CYFIP1: variants seen among roughly 807,000 people sequenced by gnomAD.
CYFIP1 encodes the protein cytoplasmic FMR1 interacting protein 1, also known as cytoplasmic FMR1-interacting protein 1.
A neutral mutation model predicts 163.5 loss-of-function variants in CYFIP1; 58 were observed. The ratio of observed to expected loss-of-function variants is 0.35; its 90% confidence interval spans 0.29 to 0.44. CYFIP1 has a LOEUF of 0.44. Ranked by LOEUF, CYFIP1 falls within the 20% of genes least tolerant of loss-of-function variation. CYFIP1 has a pLI of 1.00. For synonymous variants in CYFIP1, 663 were observed against 660.7 expected, an observed-to-expected ratio of 1.00 and a Z score of -0.05; for missense variants, 1,338 against 1,653.8, an observed-to-expected ratio of 0.81 and a Z score of 3.31.
chr15:22,948,674 G>A lies in CYFIP1; in HGVS notation c.-6-1383C>T, dbSNP rs74684122. On this transcript the variant is annotated intron_variant, in intron 1 of 30. Coordinates refer to ENST00000617928, the MANE Select transcript of CYFIP1 (RefSeq NM_014608.6). ...CACCCGACTTTAAAGCAACTACTGT[G>A]CTATGAAATGCTCTAACGATTGTAA... Among the ~76,000 whole-genome samples the A allele has an allele frequency of 2.8e-4, 43 of 152,198 alleles. 2 individuals are homozygous for A. In the East Asian group the frequency reaches 8.1e-3, roughly 29 times the overall value.
rs971668038 is a variant in CYFIP1, at chr15:22,868,203, T to TA, written c.*1824dup. On this transcript the variant is annotated 3_prime_UTR_variant, in exon 31 of 31. Transcript: ENST00000617928. ...TTATTGGCCTTCTAAGGAGCTGTTTTAGATGTTTTTTCTAACTGCCTCCTC... is the reference window on the plus strand; with the variant it reads ...TTATTGGCCTTCTAAGGAGCTGTTTTAAGATGTTTTTTCTAACTGCCTCCTC... The TA allele has an allele frequency of 6.6e-6, 1 of 152,194 alleles. No individual in the cohort carries two copies. Among genetic ancestry groups the TA allele is most frequent in the East Asian group, 1.9e-4 (1 of 5,206 alleles). The allele number at this position is 152,194 out of a possible 1,614,324, so 9.4% of individuals were successfully genotyped here. A position where few individuals can be genotyped will look rare whatever the true frequency, so the allele number is the denominator to read the frequency against.
chr15:22,901,951 C>T (rs1455108399), intron 22 of CYFIP1, among the ~76,000 whole-genome samples: 4 of 152,194 alleles, frequency 2.6e-5, no homozygotes, highest in Non-Finnish European at 1.5e-5. Context: ...AACCGGAGCT[C>T]TTCTGCAGAA....
chr15:22,940,859 G>A (rs577625395), intron 6 of CYFIP1, among the ~76,000 whole-genome samples: 1 of 152,160 alleles, frequency 6.6e-6, no homozygotes, highest in Non-Finnish European at 1.5e-5. Context: ...GGCCAACATG[G>A]TGAAACCCCA....
chr15:22,959,808 G>A (rs968320596), intron 1 of CYFIP1, among the ~76,000 whole-genome samples: 4 of 152,190 alleles, frequency 2.6e-5, no homozygotes, highest in Admixed American at 1.3e-4. Context: ...CAGCCTCTCA[G>A]GTTCTCCTCT....
At chr15:22,940,831 G>A (rs1408431826) in intron 6 of CYFIP1, among the ~76,000 whole-genome samples, 1 of 152,156 alleles carries the variant, frequency 6.6e-6, no homozygotes, top group Non-Finnish European at 1.5e-5. Flanking sequence ...ACTTGAGTCA[G>A]GCGTTCAACA....
intron 1 of CYFIP1, among the ~76,000 whole-genome samples, chr15:22,964,406 C>CACA (rs2062829981): frequency 2.0e-5 from 3 of 148,366 alleles, no homozygotes; most frequent in African/African-American, 7.4e-5. Flanking sequence ...CACACACACA[C>CACA]ACCCGGCAGC....
intron 1 of CYFIP1, among the ~76,000 whole-genome samples, chr15:22,953,060 C>T (rs1194777567): frequency 1.3e-5 from 2 of 152,230 alleles, no homozygotes; most frequent in Non-Finnish European, 2.9e-5. Flanking sequence ...GGCCTGGGCC[C>T]GGCCCGCTTC....
At chr15:22,980,156 G>C (rs1178468101) in intron 1 of CYFIP1, 131 bp downstream of exon 1, 3 of 110,494 alleles carry the variant, frequency 2.7e-5, no homozygotes, top group Non-Finnish European at 5.8e-5. Context: ...CGGGGAGGCC[G>C]CGCCGCCGGG....
chr15:22,951,774 A>G (rs1326640000), intron 1 of CYFIP1, among the ~76,000 whole-genome samples: 1 of 152,206 alleles, frequency 6.6e-6, no homozygotes, highest in Admixed American at 6.5e-5. Context: ...AGAGGCCAAG[A>G]TGACCCCATG....
Position 22,880,775 on chromosome 15 carries a change from G to A in CYFIP1, c.2912-732C>T, listed in dbSNP as rs528858706. Among the ~76,000 whole-genome samples the A allele has an allele frequency of 3.9e-5, 6 of 152,198 alleles. No homozygotes were observed. In the South Asian group the frequency reaches 6.2e-4, roughly 16 times the overall value. Reference sequence around the variant, plus strand: ...GAGTGCCCCTTCCCCAAGGACCAGCGGCCCGACACGGCCCCTCTGCTCCTC... The same window carrying A: ...GAGTGCCCCTTCCCCAAGGACCAGCAGCCCGACACGGCCCCTCTGCTCCTC... On this transcript the variant is annotated intron_variant, in intron 25 of 30. Transcript: ENST00000617928.
At chr15:22,979,950 GCGGAATC>G (rs2063416974) in intron 1 of CYFIP1, among the ~76,000 whole-genome samples, 1 of 152,172 alleles carries the variant, frequency 6.6e-6, no homozygotes, top group African/African-American at 2.4e-5. Context: ...GTGCCGGGGC[GCGGAATC>G]CGGGATCCGG....
At chr15:22,908,399 GAGA>G (rs2060655812) in intron 21 of CYFIP1, among the ~76,000 whole-genome samples, 2 of 151,974 alleles carry the variant, frequency 1.3e-5, no homozygotes, top group South Asian at 4.1e-4. Context: ...CAGATAACAG[GAGA>G]AGGATTAGAC....
At chr15:22,944,512 C>T (rs774685860) in intron 5 of CYFIP1, 46 bp downstream of exon 5, 2 of 1,346,322 alleles carry the variant, frequency 1.5e-6, no homozygotes, top group South Asian at 1.3e-5. Context: ...GGGTCAGCAA[C>T]CCACCCCTCG....
chr15:22,918,247 G>A (rs1243900900), intron 14 of CYFIP1, among the ~76,000 whole-genome samples: 2 of 152,158 alleles, frequency 1.3e-5, no homozygotes, highest in Non-Finnish European at 2.9e-5. Context: ...CACAGCCTCC[G>A]CACGGAGCAG....
At chr15:22,901,489 G>A (rs942772963) in intron 22 of CYFIP1, among the ~76,000 whole-genome samples, 7 of 152,190 alleles carry the variant, frequency 4.6e-5, no homozygotes, top group Non-Finnish European at 7.3e-5. Flanking sequence ...CTCCAGGTGC[G>A]CCCCGCTGAG....
chr15:22,896,968 A>T (rs1210908000), intron 22 of CYFIP1, among the ~76,000 whole-genome samples: 3 of 152,128 alleles, frequency 2.0e-5, no homozygotes, highest in Non-Finnish European at 4.4e-5. Flanking sequence ...GCACTTTGGG[A>T]GGCCGAGGCA....
Position 22,928,124 on chromosome 15 carries a change from C to T in CYFIP1, c.1111-96G>A, listed in dbSNP as rs530862961. The T allele has an allele frequency of 6.8e-5, 93 of 1,359,024 alleles. No homozygotes were observed. In the African/African-American group the frequency reaches 1.2e-3, roughly 18 times the overall value. 84.2% of individuals were successfully genotyped at this position (1,359,024 alleles called of 1,614,324 possible). A position where few individuals can be genotyped will look rare whatever the true frequency, so the allele number is the denominator to read the frequency against. ...CATGAGAATCCACCCCAAAGTCACA[C>T]GTGTGAAAATAAGAAATGCAGGAGG... On this transcript the variant is annotated intron_variant, in intron 11 of 30. Coordinates refer to ENST00000617928, the MANE Select transcript of CYFIP1 (RefSeq NM_014608.6).
At chr15:22,892,858 C>T (rs2060118179) in intron 23 of CYFIP1, 32 bp downstream of exon 23, 28 of 1,521,024 alleles carry the variant, frequency 1.8e-5, no homozygotes, top group Non-Finnish European at 2.4e-5. Context: ...TTATGAGCTT[C>T]AAGCTCGTAA....
chr15:22,939,557 T>A lies in CYFIP1; in HGVS notation c.570-50A>T, dbSNP rs1867599. 0.23 allele frequency: 65,088 copies of A among 282,942 alleles called. 9,678 individuals carry two copies. The highest frequency in any genetic ancestry group is 0.33 in the Admixed American group (3,389 of 10,268). 17.5% of individuals were successfully genotyped at this position (282,942 alleles called of 1,614,324 possible). A position where few individuals can be genotyped will look rare whatever the true frequency, so the allele number is the denominator to read the frequency against. ...CCAAAATGCACCAACGTGCCACATT[T>A]AAAAAAAAAAAAAAAAAAAAAAAAG... On this transcript the variant is annotated intron_variant, in intron 6 of 30. Coordinates refer to ENST00000617928, the MANE Select transcript of CYFIP1 (RefSeq NM_014608.6).
Sources: allele counts gnomAD v4.1 joint callset (sites outside exome capture counted in the v4.1 genomes callset), GRCh38; gene constraint gnomAD v4.1.1; transcripts MANE v1.5; gene names NCBI Gene and HGNC (gene_info 2026-07-23, HGNC 2026-07-21).